The following SLC30A10 variants were observed in gnomAD, a reference collection of about 807,000 sequenced individuals.
SLC30A10 encodes the protein calcium/manganese antiporter SLC30A10.
SLC30A10 carries 8 observed loss-of-function variants against 21.7 expected under a neutral mutation model. The ratio of observed to expected loss-of-function variants is 0.37; its 90% confidence interval spans 0.22 to 0.67. The LOEUF (loss-of-function observed/expected upper bound fraction) is 0.67, where lower values mean the gene tolerates loss of function less well. SLC30A10 is among the 30% of genes least tolerant of loss of function. The probability of loss-of-function intolerance (pLI) is 0.58; values close to 1 mark genes in which losing one functional copy is unlikely to be tolerated. For synonymous variants in SLC30A10, 272 were observed against 279.4 expected (o/e 0.97, Z 0.26); for missense variants, 521 against 642.5 (o/e 0.81, Z 2.04).
At chr1:219,936,096 T>C (rs568063574) in intron 1 of SLC30A10, among the ~76,000 whole-genome samples, 1 of 152,138 alleles carries the variant, frequency 6.6e-6, no homozygotes, top group Non-Finnish European at 1.5e-5. Flanking sequence ...TGAGAGGCTG[T>C]TTTGAATATT....
At chr1:219,944,696 A>G (rs533487260) in intron 1 of SLC30A10, among the ~76,000 whole-genome samples, 38 of 152,350 alleles carry the variant, frequency 2.5e-4, no homozygotes, top group African/African-American at 7.7e-4. Context: ...TGTATGTGCA[A>G]TCTAATACCT....
intron 2 of SLC30A10, among the ~76,000 whole-genome samples, chr1:219,920,544 A>G (rs903942013): frequency 4.6e-5 from 7 of 152,320 alleles, no homozygotes; most frequent in Non-Finnish European, 5.9e-5. Context: ...GTAGGCATTC[A>G]ATAAAACAGT....
chr1:219,947,914 T>C (rs1023975482), intron 1 of SLC30A10, among the ~76,000 whole-genome samples: 2 of 151,770 alleles, frequency 1.3e-5, no homozygotes, highest in Non-Finnish European at 2.9e-5. Context: ...TCAGCAAAGT[T>C]TCAGGATACA....
At chr1:219,935,798 A>G (rs1236139509) in intron 1 of SLC30A10, among the ~76,000 whole-genome samples, 1 of 152,170 alleles carries the variant, frequency 6.6e-6, no homozygotes, top group Non-Finnish European at 1.5e-5. Context: ...CCTACTTTTT[A>G]TAAAATCATG....
At position 219,913,331 on chromosome 1, in the gene SLC30A10, C is replaced by T. The variant is rs1465235016; in HGVS notation, c.*2118G>A. On this transcript the variant is annotated 3_prime_UTR_variant, in exon 4 of 4. Coordinates refer to ENST00000366926, the MANE Select transcript of SLC30A10 (RefSeq NM_018713.3). ...GGTTTAATTACAGTGGAATTAAGTG[C>T]CTTTTCTTACCCAGAAAAATATTTT... 6.6e-6 allele frequency among the ~76,000 whole-genome samples: 1 copy of T among 152,186 alleles called. No homozygotes were observed. The highest frequency in any genetic ancestry group is 1.5e-5 in the Non-Finnish European group (1 of 68,040).
intron 1 of SLC30A10, 57 bp from the exon 2 acceptor site, chr1:219,927,162 A>T (rs766663953): frequency 6.4e-7 from 1 of 1,567,038 alleles, no homozygotes; most frequent in Non-Finnish European, 8.8e-7. Context: ...AAACAAAAAA[A>T]AACCAATGGA....
chr1:219,945,309 A>G (rs533400851), intron 1 of SLC30A10, among the ~76,000 whole-genome samples: 1 of 152,342 alleles, frequency 6.6e-6, no homozygotes, highest in South Asian at 2.1e-4. Flanking sequence ...CATTGTATGA[A>G]TGTAAATTTC....
upstream of SLC30A10, chr1:219,928,595 A>C (rs1571803552): frequency 1.4e-4 from 69 of 479,314 alleles, no homozygotes; most frequent in East Asian, 2.7e-4. This position sits in a 1 kb window ranked among gnomAD's most constrained non-coding sequence, Gnocchi z 6.3. Context: ...TTATAACGCG[A>C]GGCCGAGCGC....
chr1:219,927,687 AAAAACAG>A, intron 1 of SLC30A10, 107 bp downstream of exon 1: 1 of 621,812 alleles, frequency 1.6e-6, no homozygotes, highest in Non-Finnish European at 2.2e-6. Context: ...ACAAAAAAAA[AAAAACAG>A]AAAAAAAGCA....
In SLC30A10 at chr1:219,911,149, G is replaced by GTTTTTTTTTTGTTTTTTTTTTTTTTTTTT. The variant is rs1553311741; in HGVS notation, c.*4299_*4300insAAAAAAAAAAAAAAAAAACAAAAAAAAAA. ...ATGTTTCTTCATTTTTTCTACATCA[G>GTTTTTTTTTTGTTTTTTTTTTTTTTTTTT]TTTTTTTTTTTTTTTTTTTTTTTTT... On this transcript the variant is annotated 3_prime_UTR_variant, in exon 4 of 4. Transcript: ENST00000366926. 1.0e-4 allele frequency among the ~76,000 whole-genome samples: 5 copies of GTTTTTTTTTTGTTTTTTTTTTTTTTTTTT among 49,418 alleles called. No homozygotes were observed. Among genetic ancestry groups the GTTTTTTTTTTGTTTTTTTTTTTTTTTTTT allele is most frequent in the Admixed American group, 2.3e-4 (1 of 4,268 alleles). 32.4% of individuals were successfully genotyped at this position (49,418 alleles called of 152,430 possible).
chr1:219,914,625 T>C lies in SLC30A10; in HGVS notation c.*824A>G, dbSNP rs1312285708. ...AACGAAATTTGGAAAAATAAGTAAA[T>C]CATTATCAAAGCACTAAATGAAAAC... is the stretch of plus-strand genomic sequence containing the variant. On this transcript the variant is annotated 3_prime_UTR_variant, in exon 4 of 4. Transcript: ENST00000366926. 1 of 152,150 alleles carries C rather than the reference T, an allele frequency of 6.6e-6. No individual in the cohort carries two copies. The highest frequency in any genetic ancestry group is 1.9e-4 in the East Asian group (1 of 5,192). The allele number at this position is 152,150 out of a possible 1,614,324, so 9.4% of individuals were successfully genotyped here.
chr1:219,929,589 C>A (rs889861831), upstream of SLC30A10, among the ~76,000 whole-genome samples: 2 of 151,886 alleles, frequency 1.3e-5, no homozygotes, highest in East Asian at 3.9e-4. Flanking sequence ...GGCGCCATCT[C>A]GGCTCACTGC....
rs1382109595 is a variant in SLC30A10, at chr1:219,915,160, C to T, written c.*289G>A. ...GCAGCTATTGAGCCCCAGTCCCAGA[C>T]TTTAATGTCCCTGATATATACACTA... On this transcript the variant is annotated 3_prime_UTR_variant, in exon 4 of 4. Coordinates refer to ENST00000366926, the MANE Select transcript of SLC30A10 (RefSeq NM_018713.3). 1.1e-5 allele frequency: 4 copies of T among 367,612 alleles called. No homozygotes were observed. Among genetic ancestry groups the T allele is most frequent in the Non-Finnish European group, 2.0e-5 (4 of 201,054 alleles). The allele number at this position is 367,612 out of a possible 1,614,324, so 22.8% of individuals were successfully genotyped here.
At chr1:219,938,112 G>C (rs1660071445) in intron 1 of SLC30A10, among the ~76,000 whole-genome samples, 1 of 151,976 alleles carries the variant, frequency 6.6e-6, no homozygotes, top group African/African-American at 2.4e-5. Flanking sequence ...TACCATGTTG[G>C]ATCTTTGCTG....
chr1:219,925,300 G>A (rs987555694), intron 2 of SLC30A10, among the ~76,000 whole-genome samples: 4 of 152,188 alleles, frequency 2.6e-5, no homozygotes, highest in East Asian at 1.9e-4. Context: ...TTGGGCAGCC[G>A]AGGCGGGCAG....
chr1:219,943,097 C>T (rs966817032), intron 1 of SLC30A10, among the ~76,000 whole-genome samples: 1 of 151,818 alleles, frequency 6.6e-6, no homozygotes, highest in Non-Finnish European at 1.5e-5. Flanking sequence ...GAAGGTAAAC[C>T]ACCTTGAGAG....
chr1:219,957,029 G>T (rs1428900184), intron 1 of SLC30A10, among the ~76,000 whole-genome samples: 3 of 152,040 alleles, frequency 2.0e-5, no homozygotes, highest in African/African-American at 7.2e-5. Flanking sequence ...TTTATACCTA[G>T]CAATAAAAAA....
Position 219,915,925 on chromosome 1 carries a change from C to G in SLC30A10, c.982G>C (p.Gly328Arg), listed in dbSNP as rs775074045. The G allele has an allele frequency of 6.2e-7, 1 of 1,613,742 alleles. No individual in the cohort carries two copies. The highest frequency in any genetic ancestry group is 1.7e-5 in the Admixed American group (1 of 60,004). The change falls in exon 4 of 4, where the codon GGA becomes CGA. Residue 328 changes from glycine to arginine, a missense_variant. Physicochemically the swap from Gly to Arg is moderately radical, Grantham distance 125. Coordinates refer to ENST00000366926, the MANE Select transcript of SLC30A10 (RefSeq NM_018713.3). ...ELMSKLSAVP[G>R]ISSVHEVHIW... ...TGCACTTCATGTACACTGCTAATTC[C>G]AGGCACAGCAGAGAGTTTACTCACT...
At chr1:219,942,605 A>G (rs1176821312) in intron 1 of SLC30A10, among the ~76,000 whole-genome samples, 1 of 152,240 alleles carries the variant, frequency 6.6e-6, no homozygotes, top group Non-Finnish European at 1.5e-5. Flanking sequence ...AACTCAGGCA[A>G]ACAATTTTTT....
Sources: allele counts gnomAD v4.1 joint callset (sites outside exome capture counted in the v4.1 genomes callset), GRCh38; gene constraint gnomAD v4.1.1; non-coding constraint Gnocchi (gnomAD v3.1); transcripts MANE v1.5; gene names NCBI Gene and HGNC (gene_info 2026-07-23, HGNC 2026-07-21).